The following AGBL4 variants were observed in gnomAD, a reference collection of about 807,000 sequenced individuals.
AGBL4 encodes the protein AGBL carboxypeptidase 4.
In AGBL4, 58 loss-of-function variants were observed where a neutral mutation model predicts 66.4. The observed-to-expected ratio is 0.87, with a 90% CI of 0.71 to 1.09. The LOEUF (loss-of-function observed/expected upper bound fraction) is 1.09. Ranked by LOEUF, AGBL4 falls within the 50% of genes least tolerant of loss-of-function variation. AGBL4 has a pLI of 0.00. For missense variants in AGBL4, 579 were observed against 631.0 expected, an observed-to-expected ratio of 0.92 and a Z score of 0.88; for synonymous variants, 234 against 222.9, an observed-to-expected ratio of 1.05 and a Z score of -0.44.
At chr1:49,703,945 T>A (rs1048869434) in intron 2 of AGBL4, among the ~76,000 whole-genome samples, 1 of 151,772 alleles carries the variant, frequency 6.6e-6, no homozygotes, top group African/African-American at 2.4e-5. Flanking sequence ...CAGCAAAAAA[T>A]TAAAAATAAA....
intron 6 of AGBL4, among the ~76,000 whole-genome samples, chr1:48,858,418 A>C (rs1393742537): frequency 6.6e-6 from 1 of 152,232 alleles, no homozygotes; most frequent in Non-Finnish European, 1.5e-5. Context: ...CCCCAAATGG[A>C]AACATCCCAA....
chr1:49,948,544 A>T (rs376462761), intron 1 of AGBL4, among the ~76,000 whole-genome samples: 7 of 93,590 alleles, frequency 7.5e-5, no homozygotes, highest in East Asian at 4.6e-4. Flanking sequence ...TAAATATATA[A>T]ATATATATAA....
chr1:49,132,443 C>G (rs1645918948), intron 4 of AGBL4, among the ~76,000 whole-genome samples: 1 of 152,064 alleles, frequency 6.6e-6, no homozygotes, highest in African/African-American at 2.4e-5. Context: ...ACTTTTGACT[C>G]TAAGTCATTA....
chr1:49,044,956 G>A (rs1644041226), intron 5 of AGBL4, among the ~76,000 whole-genome samples: 1 of 152,150 alleles, frequency 6.6e-6, no homozygotes, highest in Non-Finnish European at 1.5e-5. Flanking sequence ...ATAATTTTGT[G>A]TTGTTTTGTA....
chr1:48,696,988 C>G (rs11205523), intron 6 of AGBL4, among the ~76,000 whole-genome samples: 128 of 152,282 alleles, frequency 8.4e-4, no homozygotes, highest in African/African-American at 3.0e-3. Context: ...TGCTCACCTT[C>G]TCCCCCTCTA....
chr1:49,816,654 G>A (rs991605954), intron 2 of AGBL4, among the ~76,000 whole-genome samples: 7 of 152,020 alleles, frequency 4.6e-5, no homozygotes, highest in African/African-American at 1.7e-4. Context: ...CAGAAAAGAA[G>A]GTATCAAGAA....
At chr1:49,287,590 GC>G in intron 3 of AGBL4, among the ~76,000 whole-genome samples, 1 of 152,254 alleles carries the variant, frequency 6.6e-6, no homozygotes, top group African/African-American at 2.4e-5. Flanking sequence ...AGACATTTAT[GC>G]AGCCAAAAAA....
chr1:49,357,094 G>A (rs757028501), intron 3 of AGBL4, among the ~76,000 whole-genome samples: 4 of 152,136 alleles, frequency 2.6e-5, no homozygotes, highest in Admixed American at 6.5e-5. Flanking sequence ...TTGTCCTAAT[G>A]GGCAAAGGTG....
chr1:49,899,759 G>T (rs1649584709), intron 1 of AGBL4, among the ~76,000 whole-genome samples: 1 of 152,112 alleles, frequency 6.6e-6, no homozygotes, highest in Non-Finnish European at 1.5e-5. Flanking sequence ...TGTTTGCTCA[G>T]GCTGGGCACA....
At chr1:49,748,937 T>G in intron 2 of AGBL4, among the ~76,000 whole-genome samples, 1 of 152,182 alleles carries the variant, frequency 6.6e-6, no homozygotes, top group East Asian at 1.9e-4. Flanking sequence ...ATTGCAAAAA[T>G]TTTCTCCCAT....
rs112825355 is a variant in AGBL4, at chr1:49,020,770, G to A, written c.594+24814C>T. Among the ~76,000 whole-genome samples the A allele has an allele frequency of 3.7e-4, 57 of 152,270 alleles. 1 individual carries two copies. The highest frequency in any genetic ancestry group is 1.3e-3 in the African/African-American group (52 of 41,568). ...CTCACCTTTGCCTGTACCTTCATCT[G>A]CTATTTTGTTTCCCAGCTCTGTGCC... On this transcript the variant is annotated intron_variant, in intron 5 of 13. Coordinates refer to ENST00000371839, the MANE Select transcript of AGBL4 (RefSeq NM_032785.4).
intron 5 of AGBL4, among the ~76,000 whole-genome samples, chr1:48,891,029 C>A (rs1046885677): frequency 2.0e-5 from 3 of 152,084 alleles, no homozygotes; most frequent in African/African-American, 7.2e-5. Flanking sequence ...GGCAGAGACT[C>A]AATTTACTGA....
At chr1:49,817,246 A>T (rs1240784546) in intron 2 of AGBL4, among the ~76,000 whole-genome samples, 4 of 152,170 alleles carry the variant, frequency 2.6e-5, no homozygotes, top group Non-Finnish European at 5.9e-5. Context: ...CAGAAACTAA[A>T]AACCTTAAAA....
At chr1:49,157,333 T>C (rs928705501) in intron 4 of AGBL4, among the ~76,000 whole-genome samples, 2 of 150,110 alleles carry the variant, frequency 1.3e-5, no homozygotes, top group African/African-American at 4.9e-5. Context: ...ACATGAGGTG[T>C]TTGGTTTTCT....
chr1:50,009,481 A>T (rs1661369767), intron 1 of AGBL4, among the ~76,000 whole-genome samples: 1 of 152,072 alleles, frequency 6.6e-6, no homozygotes, highest in African/African-American at 2.4e-5. Context: ...GATAAAAAAA[A>T]AAAACTCAAA....
intron 3 of AGBL4, among the ~76,000 whole-genome samples, chr1:49,586,174 G>A (rs890607570): frequency 1.3e-5 from 2 of 152,102 alleles, no homozygotes; most frequent in Non-Finnish European, 2.9e-5. Flanking sequence ...AACACTGTGT[G>A]TTAGGCATTG....
intron 4 of AGBL4, among the ~76,000 whole-genome samples, chr1:49,159,158 C>T (rs781674961): frequency 3.3e-5 from 5 of 151,790 alleles, no homozygotes; most frequent in South Asian, 4.2e-4. Flanking sequence ...TTCATAGCAC[C>T]GATGGTCTTT....
intron 6 of AGBL4, among the ~76,000 whole-genome samples, chr1:48,713,246 T>C (rs1646995218): frequency 6.6e-6 from 1 of 152,112 alleles, no homozygotes; most frequent in African/African-American, 2.4e-5. Flanking sequence ...CAACCTGGAC[T>C]CAGGGAGTTT....
intron 11 of AGBL4, among the ~76,000 whole-genome samples, chr1:48,549,953 A>G (rs1487733058): frequency 6.6e-6 from 1 of 152,170 alleles, no homozygotes; most frequent in Non-Finnish European, 1.5e-5. Context: ...AGAGAGACTG[A>G]GAAGGACTGA....
Sources: gnomAD v4.1 joint callset for allele counts (sites outside exome capture counted in the v4.1 genomes callset) on GRCh38, gnomAD v4.1.1 for gene constraint, MANE v1.5 for transcripts, NCBI Gene and HGNC (gene_info 2026-07-23, HGNC 2026-07-21) for gene names.